ZMYM5: variants seen among roughly 807,000 people sequenced by gnomAD.
The protein encoded by ZMYM5 is zinc finger MYM-type protein 5.
In ZMYM5, 41 loss-of-function variants were observed where a neutral mutation model predicts 61.8. That is an observed-to-expected ratio of 0.66 (90% confidence interval 0.52 to 0.86). The LOEUF is 0.86. Among genes scored for constraint, ZMYM5 ranks in the 40% least tolerant of loss-of-function variants. The pLI is 0.00. For synonymous variants in ZMYM5, 257 were observed against 276.4 expected, an observed-to-expected ratio of 0.93 and a Z score of 0.70; for missense variants, 706 against 786.7, an observed-to-expected ratio of 0.90 and a Z score of 1.23.
intron 4 of ZMYM5, among the ~76,000 whole-genome samples, chr13:19,847,868 T>C (rs946198346): frequency 1.4e-4 from 20 of 139,466 alleles, no homozygotes; most frequent in African/African-American, 5.0e-4. Context: ...TTAGCCAGAA[T>C]GGTCTCGATC....
At chr13:19,829,093 G>T (rs1566084890) in intron 7 of ZMYM5, among the ~76,000 whole-genome samples, 1 of 151,870 alleles carries the variant, frequency 6.6e-6, no homozygotes, top group Non-Finnish European at 1.5e-5. Flanking sequence ...CAGAGGGAGA[G>T]ACCCTGTCTC....
intron 2 of ZMYM5, among the ~76,000 whole-genome samples, chr13:19,860,785 CAA>C (rs35315887): frequency 7.2e-6 from 1 of 139,372 alleles, no homozygotes; most frequent in African/African-American, 2.7e-5. Context: ...AGCTTAGTGG[CAA>C]AAAGGAAAAA....
chr13:19,829,335 G>A (rs1437007475), intron 7 of ZMYM5, among the ~76,000 whole-genome samples: 3 of 151,818 alleles, frequency 2.0e-5, no homozygotes, highest in Admixed American at 6.6e-5. Flanking sequence ...CATTCAGGCC[G>A]GAGTGCAGTG....
Position 19,837,763 on chromosome 13 carries a change from G to C in ZMYM5, c.931C>G (p.Gln311Glu). 1 of 1,586,712 alleles carries C rather than the reference G, an allele frequency of 6.3e-7. No homozygotes were observed. The highest frequency in any genetic ancestry group is 8.5e-7 in the Non-Finnish European group (1 of 1,173,662). The change falls in exon 6 of 8, where the codon CAA becomes GAA. Residue 311 changes from glutamine (Q) to glutamate (E), a missense_variant. By Grantham distance (29) the Gln-to-Glu change is conservative. Around this residue, in one of 2 missense-constraint regions of ZMYM5, gnomAD observed 480 missense variants for 461.7 expected, o/e 1.04. Coordinates refer to ENST00000337963, the MANE Select transcript of ZMYM5 (RefSeq NM_001142684.2). ...ILPVESSKSF[Q>E]EFYSTSCLSP... Reference sequence around the variant, plus strand: ...AAACAAGATGTACTATAAAATTCTTGGAAGGATTTGCTTGATTCTACTGGA... The same window carrying C: ...AAACAAGATGTACTATAAAATTCTTCGAAGGATTTGCTTGATTCTACTGGA...
rs372114559 is a variant in ZMYM5 at position 19,841,128 on chromosome 13, C to A, written c.587-2143G>T. On this transcript the variant is annotated intron_variant, in intron 4 of 7. Coordinates refer to ENST00000337963, the MANE Select transcript of ZMYM5 (RefSeq NM_001142684.2). Reference sequence around the variant, plus strand: ...TACAGGAGCACGCCACCACACCTGGCTAATTTTTGTATTTTTAGTAGAGAT... The same window carrying A: ...TACAGGAGCACGCCACCACACCTGGATAATTTTTGTATTTTTAGTAGAGAT... Among the ~76,000 whole-genome samples, 504 of 151,736 alleles carry A rather than the reference C, an allele frequency of 3.3e-3. 2 individuals carry two copies. The highest frequency in any genetic ancestry group is 0.026 in the South Asian group (123 of 4,810).
chr13:19,831,787 CAAAAAAAA>C (rs1190448216), intron 7 of ZMYM5, among the ~76,000 whole-genome samples: 1 of 36,682 alleles, frequency 2.7e-5, no homozygotes, highest in Admixed American at 5.6e-4. Context: ...GACTCTGTCT[CAAAAAAAA>C]AAAAAAAAAA....
At chr13:19,850,197 T>C (rs558294591) in intron 4 of ZMYM5, among the ~76,000 whole-genome samples, 32 of 152,338 alleles carry the variant, frequency 2.1e-4, no homozygotes, top group Non-Finnish European at 4.1e-4. Flanking sequence ...GTTTTAATTA[T>C]ATCAGAATAG....
At position 19,851,732 on chromosome 13, in the gene ZMYM5, G is replaced by C; in HGVS notation, c.449C>G (p.Thr150Ser). Reference sequence around the variant, plus strand: ...GGAAGTGGAGAAATCCAAATCGTTGGTTTTGTTTTTAGTTCCAGGAAGTCC... The same window carrying C: ...GGAAGTGGAGAAATCCAAATCGTTGCTTTTGTTTTTAGTTCCAGGAAGTCC... The part of the protein sequence containing the change: ...EWGLPGTKNK[T>S]NDLDFSTSSL... Residue 150 changes from threonine (T) to serine (S), a missense_variant, in exon 3 of 8, where the codon ACC becomes AGC. Physicochemically the swap from Thr to Ser is moderately conservative, Grantham distance 58 (BLOSUM62 1). Transcript: ENST00000337963. The C allele has an allele frequency of 3.8e-6, 6 of 1,583,224 alleles. No individual in the cohort carries two copies. Among genetic ancestry groups the C allele is most frequent in the African/African-American group, 2.7e-5 (2 of 73,010 alleles).
intron 4 of ZMYM5, among the ~76,000 whole-genome samples, chr13:19,844,137 CAAA>C (rs1228066138): frequency 1.5e-5 from 1 of 65,526 alleles, no homozygotes. Context: ...GACTCCGTCT[CAAA>C]AAAAAAAAAA....
rs1953687533 is a variant in ZMYM5 at position 19,860,295 on chromosome 13, T to A, written c.-11+2104A>T. 6.1e-5 allele frequency among the ~76,000 whole-genome samples: 9 copies of A among 146,826 alleles called. No homozygotes were observed. The South Asian group carries it at 2.0e-3, about 33-fold the overall frequency. ...CACCCACCAGCACACCCGTTTAATT[T>A]TTTTTTTTTTTTTTGAGACAGAGTT... On this transcript the variant is annotated intron_variant, in intron 2 of 7. Coordinates refer to ENST00000337963, the MANE Select transcript of ZMYM5 (RefSeq NM_001142684.2).
rs1952767841 is a variant in ZMYM5, at chr13:19,838,953, T to C, written c.619A>G (p.Ser207Gly). ...TCCACCCCTGGCTGTTTCTGATTAC[T>C]GGGAAATGAAGCTGACTGGGAGATC... is the stretch of plus-strand genomic sequence containing the variant. The part of the protein sequence containing the change: ...SWISQSASFP[S>G]NQKQPGVDSL... The change falls in exon 5 of 8, where the codon AGT becomes GGT. Residue 207 changes from serine (S) to glycine (G), a missense_variant. Transcript: ENST00000337963. The C allele has an allele frequency of 6.2e-7, 1 of 1,613,720 alleles. No individual in the cohort carries two copies. The highest frequency in any genetic ancestry group is 8.5e-7 in the Non-Finnish European group (1 of 1,179,750).
rs1408853137 is a variant in ZMYM5, at chr13:19,852,170, C to T, written c.11G>A (p.Cys4Tyr). 1 of 1,591,356 alleles carries T rather than the reference C, an allele frequency of 6.3e-7. No homozygotes were observed. The highest frequency in any genetic ancestry group is 8.5e-7 in the Non-Finnish European group (1 of 1,172,388). The change falls in exon 3 of 8, where the codon TGT becomes TAT. Residue 4 changes from cysteine (C) to tyrosine (Y), a missense_variant. Physicochemically the swap from Cys to Tyr is radical, Grantham distance 194 (BLOSUM62 -2). Coordinates refer to ENST00000337963, the MANE Select transcript of ZMYM5 (RefSeq NM_001142684.2). Reference sequence around the variant, plus strand: ...AGTCAACTCTAATCCTCCCACTGAACATTTTTCCATGCCAATGAACCTGTA... The same window carrying T: ...AGTCAACTCTAATCCTCCCACTGAATATTTTTCCATGCCAATGAACCTGTA... MEKCSVGGLELTEQ... is the reference protein window; with the variant it reads MEKYSVGGLELTEQ...
chr13:19,848,262 G>C (rs1953155894), intron 4 of ZMYM5, among the ~76,000 whole-genome samples: 2 of 152,008 alleles, frequency 1.3e-5, no homozygotes, highest in African/African-American at 4.8e-5. Flanking sequence ...TAGGATTACA[G>C]GTGAGAGCCA....
intron 2 of ZMYM5, among the ~76,000 whole-genome samples, chr13:19,861,490 T>C (rs1319605556): frequency 6.6e-6 from 1 of 152,128 alleles, no homozygotes; most frequent in African/African-American, 2.4e-5. Flanking sequence ...AGTCCTAAGT[T>C]TAACTAATTA....
intron 7 of ZMYM5, among the ~76,000 whole-genome samples, chr13:19,832,151 C>T (rs1043080906): frequency 6.6e-6 from 1 of 151,882 alleles, no homozygotes; most frequent in Non-Finnish European, 1.5e-5. Flanking sequence ...AGGCACCCTG[C>T]CTGGCTTATT....
chr13:19,853,825 G>A (rs1247538782), intron 2 of ZMYM5, among the ~76,000 whole-genome samples: 5 of 151,808 alleles, frequency 3.3e-5, no homozygotes, highest in South Asian at 2.1e-4. Context: ...CAGATGATCC[G>A]CCTGCCTCAG....
chr13:19,852,846 C>G (rs1953364624), intron 2 of ZMYM5, among the ~76,000 whole-genome samples: 1 of 152,166 alleles, frequency 6.6e-6, no homozygotes, highest in South Asian at 2.1e-4. Context: ...ACTCAGGGCT[C>G]TAAAAATTCG....
rs913216856 is a variant in ZMYM5 at position 19,838,589 on chromosome 13, C to G, written c.872+111G>C. On this transcript the variant is annotated intron_variant, in intron 5 of 7. Coordinates refer to ENST00000337963, the MANE Select transcript of ZMYM5 (RefSeq NM_001142684.2). The stretch of plus-strand genomic sequence containing the variant: ...CTCAAGCTCAATAAACTTGAAGACA[C>G]TCCTGCAACAATTCTACCCATAAAT... The G allele has an allele frequency of 7.4e-6, 10 of 1,350,464 alleles. No individual in the cohort carries two copies. The African/African-American group carries it at 1.2e-4, about 16-fold the overall frequency. 83.7% of individuals were successfully genotyped at this position (1,350,464 alleles called of 1,614,324 possible). A position where few individuals can be genotyped will look rare whatever the true frequency, so the allele number is the denominator to read the frequency against.
intron 2 of ZMYM5, among the ~76,000 whole-genome samples, chr13:19,861,731 G>C (rs947157646): frequency 6.6e-6 from 1 of 151,922 alleles, no homozygotes; most frequent in African/African-American, 2.4e-5. Context: ...AAATCATTTT[G>C]TCACTCCTAA....
Sources: gnomAD v4.1 joint callset for allele counts (sites outside exome capture counted in the v4.1 genomes callset) on GRCh38, gnomAD v4.1.1 for gene constraint, gnomAD v4.1.1 regional missense constraint, MANE v1.5 for transcripts, NCBI Gene and HGNC (gene_info 2026-07-23, HGNC 2026-07-21) for gene names.